The following TNFRSF11B variants were observed in gnomAD, a reference collection of about 807,000 sequenced individuals.
The protein encoded by TNFRSF11B is TNF receptor superfamily member 11b.
A neutral mutation model predicts 43.4 loss-of-function variants in TNFRSF11B; 16 were observed. The observed-to-expected ratio is 0.37, with a 90% CI of 0.25 to 0.56. TNFRSF11B has a LOEUF of 0.56. Among genes scored for constraint, TNFRSF11B ranks in the 20% least tolerant of loss-of-function variants. The pLI is 0.80. For synonymous variants in TNFRSF11B, 185 were observed against 181.8 expected (o/e 1.02, Z -0.14); for missense variants, 444 against 490.1 (o/e 0.91, Z 0.89).
intron 4 of TNFRSF11B, among the ~76,000 whole-genome samples, chr8:118,925,884 A>G (rs966251592): frequency 6.6e-6 from 1 of 152,156 alleles, no homozygotes; most frequent in Non-Finnish European, 1.5e-5. Context: ...CACCATTTCT[A>G]AAGGAGAATC....
At chr8:118,941,940 G>A (rs942869671) in intron 1 of TNFRSF11B, among the ~76,000 whole-genome samples, 1 of 152,110 alleles carries the variant, frequency 6.6e-6, no homozygotes, top group Non-Finnish European at 1.5e-5. Context: ...ATTTTTCATT[G>A]TAATTATCTC....
At chr8:118,947,184 A>C (rs1360198033) in intron 1 of TNFRSF11B, among the ~76,000 whole-genome samples, 1 of 152,122 alleles carries the variant, frequency 6.6e-6, no homozygotes, top group Non-Finnish European at 1.5e-5. Flanking sequence ...TTTCAAAGAG[A>C]TCAAAGTCAA....
chr8:118,939,876 C>T (rs1376473578), intron 1 of TNFRSF11B, among the ~76,000 whole-genome samples: 1 of 152,074 alleles, frequency 6.6e-6, no homozygotes, highest in African/African-American at 2.4e-5. Flanking sequence ...AAAGTGTTAA[C>T]CCTTGAGACT....
chr8:118,941,492 C>T (rs1025690364), intron 1 of TNFRSF11B, among the ~76,000 whole-genome samples: 1 of 152,174 alleles, frequency 6.6e-6, no homozygotes, highest in African/African-American at 2.4e-5. Context: ...AATTTTGCTT[C>T]CCTTGAGGCT....
In TNFRSF11B at chr8:118,951,700, C is replaced by T. The variant is rs11573808; in HGVS notation, c.30+92G>A. 5.1e-3 allele frequency: 6,604 copies of T among 1,293,066 alleles called. 262 individuals are homozygous for T. In the African/African-American group the frequency reaches 0.086, roughly 17 times the overall value. The allele number at this position is 1,293,066 out of a possible 1,614,324, so 80.1% of individuals were successfully genotyped here. A position where few individuals can be genotyped will look rare whatever the true frequency, so the allele number is the denominator to read the frequency against. ...TCTCCTGGGAGGGAGCGAGTGGAGCCTTCTCCCCGCCGGTCCGCTGGGAGG... is the reference window on the plus strand; with the variant it reads ...TCTCCTGGGAGGGAGCGAGTGGAGCTTTCTCCCCGCCGGTCCGCTGGGAGG... On this transcript the variant is annotated intron_variant, in intron 1 of 4. Coordinates refer to ENST00000297350, the MANE Select transcript of TNFRSF11B (RefSeq NM_002546.4).
chr8:118,947,554 C>T (rs1047874892), intron 1 of TNFRSF11B, among the ~76,000 whole-genome samples: 1 of 152,104 alleles, frequency 6.6e-6, no homozygotes, highest in African/African-American at 2.4e-5. Flanking sequence ...AATAATCCCA[C>T]GTCCCACACA....
At chr8:118,937,204 G>T (rs959658929) in intron 1 of TNFRSF11B, among the ~76,000 whole-genome samples, 1 of 152,206 alleles carries the variant, frequency 6.6e-6, no homozygotes, top group Non-Finnish European at 1.5e-5. Flanking sequence ...TGGTGGGTGA[G>T]TTGAATTAAC....
At position 118,951,263 on chromosome 8, in the gene TNFRSF11B, TGA is replaced by T. The variant is rs1324846149; in HGVS notation, c.30+527_30+528del. On this transcript the variant is annotated intron_variant, in intron 1 of 4. Transcript: ENST00000297350. ...ATTACACAGTTAAGAAGTGTGTGTG[TGA>T]GAGATCTTTTCTCCTAATTATTCAA... Among the ~76,000 whole-genome samples the T allele has an allele frequency of 4.6e-5, 7 of 152,318 alleles. No homozygotes were observed. In the East Asian group the frequency reaches 9.6e-4, roughly 21 times the overall value.
In TNFRSF11B at chr8:118,924,392, T is replaced by A; in HGVS notation, c.1188A>T (p.Val396=). Residue 396 remains valine, a synonymous_variant, in exon 5 of 5, where the codon GTA becomes GTT. Transcript: ENST00000297350. ...TTTCCAGTTATAAGCAGCTTATTTT[T>A]ACTGATTGGACCTGGTTACCTATCA... ...LEMIGNQVQS[V]KISCL The A allele has an allele frequency of 6.2e-7, 1 of 1,614,192 alleles. No homozygotes were observed. The highest frequency in any genetic ancestry group is 1.1e-5 in the South Asian group (1 of 91,086).
intron 1 of TNFRSF11B, among the ~76,000 whole-genome samples, chr8:118,950,674 C>T (rs1261537657): frequency 6.6e-6 from 1 of 152,166 alleles, no homozygotes; most frequent in Non-Finnish European, 1.5e-5. Flanking sequence ...CATAGTATCT[C>T]TAGCGATGAA....
chr8:118,948,910 G>GA (rs1471595763), intron 1 of TNFRSF11B, among the ~76,000 whole-genome samples: 1 of 151,950 alleles, frequency 6.6e-6, no homozygotes, highest in African/African-American at 2.4e-5. Flanking sequence ...TTTTTCCTGA[G>GA]AAAAAAATAA....
At chr8:118,948,044 C>T (rs1189965752) in intron 1 of TNFRSF11B, among the ~76,000 whole-genome samples, 1 of 152,082 alleles carries the variant, frequency 6.6e-6, no homozygotes, top group African/African-American at 2.4e-5. Context: ...CTCTGAATTT[C>T]ATTTCAGGAG....
intron 1 of TNFRSF11B, among the ~76,000 whole-genome samples, chr8:118,942,062 T>G (rs1477127828): frequency 6.6e-6 from 1 of 152,176 alleles, no homozygotes; most frequent in Non-Finnish European, 1.5e-5. Context: ...ATGTTGATAT[T>G]TTTGAACATC....
intron 1 of TNFRSF11B, among the ~76,000 whole-genome samples, chr8:118,939,077 C>G (rs1812442689): frequency 6.6e-6 from 1 of 152,130 alleles, no homozygotes; most frequent in Admixed American, 6.6e-5. Flanking sequence ...AGTTTTAAAA[C>G]CATGTCAGTT....
intron 2 of TNFRSF11B, among the ~76,000 whole-genome samples, chr8:118,931,688 G>A (rs927630533): frequency 2.6e-5 from 4 of 152,180 alleles, no homozygotes; most frequent in Admixed American, 1.3e-4. Context: ...TGCATCTTCT[G>A]TGATTAATTT....
intron 1 of TNFRSF11B, among the ~76,000 whole-genome samples, chr8:118,943,179 A>C (rs1333877825): frequency 1.3e-5 from 2 of 152,108 alleles, no homozygotes; most frequent in Admixed American, 1.3e-4. Context: ...TATGTTACTC[A>C]TCATACACTT....
chr8:118,944,558 A>T (rs1486708440), intron 1 of TNFRSF11B, among the ~76,000 whole-genome samples: 1 of 152,160 alleles, frequency 6.6e-6, no homozygotes, highest in Admixed American at 6.6e-5. Context: ...TCATCCTCAT[A>T]AACATTGCTC....
intron 1 of TNFRSF11B, among the ~76,000 whole-genome samples, chr8:118,942,444 T>C (rs11573857): frequency 0.011 from 1,609 of 152,086 alleles, 29 homozygotes; most frequent in African/African-American, 0.036. Flanking sequence ...CGAAAAGCCA[T>C]GTGGTGATGA....
At chr8:118,949,606 G>T (rs528194683) in intron 1 of TNFRSF11B, among the ~76,000 whole-genome samples, 1 of 152,334 alleles carries the variant, frequency 6.6e-6, no homozygotes, top group African/African-American at 2.4e-5. Flanking sequence ...TGCACTAGCA[G>T]CTTCCCTTAT....
Sources: allele counts gnomAD v4.1 joint callset (sites outside exome capture counted in the v4.1 genomes callset), GRCh38; gene constraint gnomAD v4.1.1; transcripts MANE v1.5; gene names NCBI Gene and HGNC (gene_info 2026-07-23, HGNC 2026-07-21).